Variants in KDM5A observed in about 807,000 individuals in gnomAD.
The protein encoded by KDM5A is lysine-specific demethylase 5A.
A neutral mutation model predicts 193.5 loss-of-function variants in KDM5A; 42 were observed. That is an observed-to-expected ratio of 0.22 (90% CI 0.17 to 0.28). The LOEUF (loss-of-function observed/expected upper bound fraction) is 0.28, where lower values mean the gene tolerates loss of function less well. Ranked by LOEUF, KDM5A falls within the 10% of genes least tolerant of loss-of-function variation. KDM5A has a pLI of 1.00. For synonymous variants in KDM5A, 796 were observed against 718.1 expected (o/e 1.11, Z -1.73); for missense variants, 1,692 against 2,055.1 (o/e 0.82, Z 3.42).
chr12:328,713 T>C, intron 14 of KDM5A, 122 bp downstream of exon 14: 1 of 824,254 alleles, frequency 1.2e-6, no homozygotes, highest in Middle Eastern at 3.5e-4. Context: ...TAAAATCTTC[T>C]CCAAATCAGT....
chr12:361,248 G>A (rs1944291254), intron 5 of KDM5A, among the ~76,000 whole-genome samples: 1 of 151,690 alleles, frequency 6.6e-6, no homozygotes, highest in Non-Finnish European at 1.5e-5. Context: ...AGACTGGACT[G>A]CAGTGGCGAG....
At chr12:339,413 TCTC>T (rs1943973720) in intron 10 of KDM5A, among the ~76,000 whole-genome samples, 1 of 152,150 alleles carries the variant, frequency 6.6e-6, no homozygotes, top group Admixed American at 6.6e-5. Flanking sequence ...AAATGGGTTC[TCTC>T]CTATCATCTT....
chr12:346,719 T>A (rs1338315091), intron 10 of KDM5A, among the ~76,000 whole-genome samples: 1 of 152,134 alleles, frequency 6.6e-6, no homozygotes. Context: ...TTCAACAACC[T>A]TCATGCTAAA....
At chr12:384,257 G>A (rs541325432) in intron 2 of KDM5A, 104 bp from the exon 3 acceptor site, 20 of 853,398 alleles carry the variant, frequency 2.3e-5, no homozygotes, top group South Asian at 4.0e-5. Context: ...ACCCATCAGC[G>A]GCCTGTTAGG....
intron 27 of KDM5A, among the ~76,000 whole-genome samples, chr12:292,543 GTTCA>G (rs1203980154): frequency 1.3e-5 from 2 of 152,172 alleles, no homozygotes; most frequent in Non-Finnish European, 2.9e-5. Flanking sequence ...GTCTCATTAT[GTTCA>G]TTAAGTATAT....
chr12:288,951 G>A (rs1943254342), intron 27 of KDM5A, among the ~76,000 whole-genome samples: 1 of 152,160 alleles, frequency 6.6e-6, no homozygotes, highest in Admixed American at 6.5e-5. Context: ...CACACATTTA[G>A]GTAACTTAAC....
Position 308,045 on chromosome 12 carries a change from A to G in KDM5A, c.3379-40T>C, listed in dbSNP as rs1331811770. ...CATTTAATTGAAAAGAGTCACTGCA[A>G]TATACCCCCCAAAATACCAAATCCT... On this transcript the variant is annotated intron_variant, in intron 22 of 27. Transcript: ENST00000399788. The G allele has an allele frequency of 1.9e-6, 3 of 1,575,310 alleles. No individual in the cohort carries two copies. The South Asian group carries it at 3.3e-5, about 17-fold the overall frequency.
intron 21 of KDM5A, 31 bp from the exon 22 acceptor site, chr12:309,995 T>A: frequency 6.2e-7 from 1 of 1,605,820 alleles, no homozygotes; most frequent in Non-Finnish European, 8.5e-7. Context: ...TTATAAACTC[T>A]GGTTTTGAAA....
At chr12:370,860 G>A (rs1944419315) in intron 3 of KDM5A, among the ~76,000 whole-genome samples, 3 of 152,162 alleles carry the variant, frequency 2.0e-5, no homozygotes, top group Non-Finnish European at 4.4e-5. Context: ...GTGAGAACAT[G>A]CGGTGTTTGG....
At chr12:363,622 A>G (rs1333529350) in intron 4 of KDM5A, among the ~76,000 whole-genome samples, 2 of 152,220 alleles carry the variant, frequency 1.3e-5, no homozygotes, top group African/African-American at 4.8e-5. Context: ...ATACACACAA[A>G]AAAAGCCTCA....
At chr12:352,009 C>G (rs1424643393) in intron 9 of KDM5A, among the ~76,000 whole-genome samples, 196 bp downstream of exon 9, 1 of 143,650 alleles carries the variant, frequency 7.0e-6, no homozygotes, top group Non-Finnish European at 1.5e-5. Flanking sequence ...GAGGCTGAGG[C>G]AGGAGAATTA....
chr12:357,152 G>A (rs1308174512), intron 5 of KDM5A, among the ~76,000 whole-genome samples: 2 of 151,718 alleles, frequency 1.3e-5, no homozygotes, highest in East Asian at 2.0e-4. Flanking sequence ...ATGGTGGTGT[G>A]CATCTGTAGT....
At chr12:341,307 A>C (rs996564096) in intron 10 of KDM5A, among the ~76,000 whole-genome samples, 1 of 152,232 alleles carries the variant, frequency 6.6e-6, no homozygotes, top group Non-Finnish European at 1.5e-5. Context: ...GACATTAAAC[A>C]TGTATACATT....
intron 10 of KDM5A, among the ~76,000 whole-genome samples, chr12:341,899 CAA>C (rs1279359642): frequency 2.5e-4 from 28 of 111,118 alleles, no homozygotes; most frequent in Admixed American, 1.9e-4. Context: ...ACTCTGTCTC[CAA>C]AAAAAAAAAA....
At chr12:379,281 C>T (rs1944546266) in intron 3 of KDM5A, among the ~76,000 whole-genome samples, 1 of 152,198 alleles carries the variant, frequency 6.6e-6, no homozygotes, top group South Asian at 2.1e-4. Context: ...GTATTTTCTG[C>T]AGTTTTCAGC....
intron 26 of KDM5A, among the ~76,000 whole-genome samples, chr12:293,996 G>A (rs1943337648): frequency 6.6e-6 from 1 of 152,056 alleles, no homozygotes; most frequent in African/African-American, 2.4e-5. Flanking sequence ...CTCTGTTAGA[G>A]ATGAAAACAT....
At chr12:369,459 T>C (rs1384822578) in intron 3 of KDM5A, among the ~76,000 whole-genome samples, 2 of 152,078 alleles carry the variant, frequency 1.3e-5, no homozygotes, top group Non-Finnish European at 2.9e-5. Context: ...AGACAGACAA[T>C]AAACAATGAA....
At chr12:305,390 G>C (rs775228854) in intron 24 of KDM5A, among the ~76,000 whole-genome samples, 1 of 152,094 alleles carries the variant, frequency 6.6e-6, no homozygotes, top group Non-Finnish European at 1.5e-5. Context: ...ATATTTCCCA[G>C]CAGAGGAATC....
Position 384,020 on chromosome 12 carries a change from A to G in KDM5A, c.366+11T>C. The G allele has an allele frequency of 6.2e-7, 1 of 1,613,294 alleles. No individual in the cohort carries two copies. Among genetic ancestry groups the G allele is most frequent in the Non-Finnish European group, 8.5e-7 (1 of 1,179,306 alleles). The stretch of plus-strand genomic sequence containing the variant: ...CCTGTGCTCTAATTTCTAAACCAGT[A>G]TGAGCCTCACCTTGCTCAAAGCATA... On this transcript the variant is annotated intron_variant, in intron 3 of 27. Transcript: ENST00000399788.
Sources: allele counts gnomAD v4.1 joint callset (sites outside exome capture counted in the v4.1 genomes callset), GRCh38; gene constraint gnomAD v4.1.1; transcripts MANE v1.5; gene names NCBI Gene and HGNC (gene_info 2026-07-23, HGNC 2026-07-21).